Variants in MACROD2 observed in about 807,000 individuals in gnomAD.
The protein encoded by MACROD2 is ADP-ribose glycohydrolase MACROD2.
MACROD2 carries 36 observed loss-of-function variants against 70.4 expected under a neutral mutation model. That is an observed-to-expected ratio of 0.51 (90% CI 0.39 to 0.68). The LOEUF (loss-of-function observed/expected upper bound fraction) is 0.68, where lower values mean the gene tolerates loss of function less well. Among genes scored for constraint, MACROD2 ranks in the 30% least tolerant of loss-of-function variants. The pLI is 0.00. For missense variants in MACROD2, 496 were observed against 538.4 expected (o/e 0.92, Z 0.78); for synonymous variants, 172 against 178.8 (o/e 0.96, Z 0.30).
chr20:15,197,760 G>GA (rs2076618279), intron 5 of MACROD2, among the ~76,000 whole-genome samples: 1 of 150,674 alleles, frequency 6.6e-6, no homozygotes, highest in East Asian at 2.0e-4. Context: ...GCAGTGGCAT[G>GA]ATCATGGCTT....
intron 5 of MACROD2, among the ~76,000 whole-genome samples, chr20:15,014,671 G>A (rs2075107894): frequency 6.6e-6 from 1 of 152,054 alleles, no homozygotes; most frequent in African/African-American, 2.4e-5. Flanking sequence ...AGTTAATTGT[G>A]TGTGAGTGTA....
intron 3 of MACROD2, among the ~76,000 whole-genome samples, chr20:14,368,745 C>A (rs181395201): frequency 2.6e-5 from 4 of 152,142 alleles, no homozygotes; most frequent in Admixed American, 1.3e-4. Context: ...GTTCCTTTAG[C>A]CTTTGTTCAG....
chr20:15,996,038 G>T (rs1423260351), intron 15 of MACROD2, among the ~76,000 whole-genome samples: 1 of 152,028 alleles, frequency 6.6e-6, no homozygotes, highest in African/African-American at 2.4e-5. Flanking sequence ...GGGATGGCTG[G>T]ATCATTTGGT....
chr20:14,249,981 T>C (rs1453862964), intron 3 of MACROD2, among the ~76,000 whole-genome samples: 1 of 151,564 alleles, frequency 6.6e-6, no homozygotes, highest in Non-Finnish European at 1.5e-5. Context: ...GGAGCAGGAG[T>C]GTAAGATCTC....
In MACROD2 at chr20:15,499,813, C is replaced by T. The variant is rs200224844; in HGVS notation, c.611C>T (p.Thr204Ile). ...NEPAAVIALNTIKEWLAKNHH... is the reference protein window; with the variant it reads ...NEPAAVIALNIIKEWLAKNHH... The stretch of plus-strand genomic sequence containing the variant: ...CCTGCTGCAGTCATTGCCCTCAACA[C>T]CATTAAGGAATGGCTTGCCAAGAAT... The change falls in exon 8 of 18, where the codon ACC becomes ATC. Residue 204 changes from threonine (T) to isoleucine (I), a missense_variant. Transcript: ENST00000684519. 3.1e-6 allele frequency: 5 copies of T among 1,613,728 alleles called. No individual in the cohort carries two copies. Among genetic ancestry groups the T allele is most frequent in the Non-Finnish European group, 4.2e-6 (5 of 1,179,756 alleles).
At chr20:15,622,817 G>T (rs916813868) in intron 8 of MACROD2, among the ~76,000 whole-genome samples, 1 of 152,066 alleles carries the variant, frequency 6.6e-6, no homozygotes, top group East Asian at 1.9e-4. Context: ...TGTTATAATT[G>T]TTCTATTTTA....
chr20:14,372,176 A>C (rs1210064999), intron 3 of MACROD2, among the ~76,000 whole-genome samples: 1 of 152,172 alleles, frequency 6.6e-6, no homozygotes, highest in Non-Finnish European at 1.5e-5. Flanking sequence ...CTGTACTCGG[A>C]AGTACTACAT....
chr20:15,447,051 C>CGTGTGTGTGTGT lies in MACROD2; in HGVS notation c.571+15641_571+15652dup, dbSNP rs57914856. 4.3e-3 allele frequency among the ~76,000 whole-genome samples: 636 copies of CGTGTGTGTGTGT among 146,648 alleles called. 1 individual carries two copies. The highest frequency in any genetic ancestry group is 0.011 in the Middle Eastern group (3 of 280). On this transcript the variant is annotated intron_variant, in intron 7 of 17. Coordinates refer to ENST00000684519, the MANE Select transcript of MACROD2 (RefSeq NM_001351661.2). ...GGCAGTACTGGGACCTAAGAGTGTG[C>CGTGTGTGTGTGT]GTGTGTGTGTGTGTGTGTGTGTGTG... is the stretch of plus-strand genomic sequence containing the variant.
intron 12 of MACROD2, among the ~76,000 whole-genome samples, chr20:15,944,498 T>C (rs965990675): frequency 3.3e-5 from 5 of 152,142 alleles, no homozygotes; most frequent in Non-Finnish European, 7.4e-5. Flanking sequence ...TCTTCCAACA[T>C]CTTTTGATAG....
intron 4 of MACROD2, among the ~76,000 whole-genome samples, chr20:14,608,308 A>G (rs1401322997): frequency 6.6e-6 from 1 of 152,120 alleles, no homozygotes; most frequent in South Asian, 2.1e-4. Flanking sequence ...GTAATTGTGT[A>G]TTCTGTTTCC....
chr20:14,810,601 A>G (rs1289790321), intron 5 of MACROD2, among the ~76,000 whole-genome samples: 1 of 152,124 alleles, frequency 6.6e-6, no homozygotes, highest in Non-Finnish European at 1.5e-5. Context: ...GCAGTGAGAC[A>G]AGAGAAAGAA....
intron 4 of MACROD2, among the ~76,000 whole-genome samples, chr20:14,551,887 A>T (rs542602441): frequency 6.6e-6 from 1 of 152,234 alleles, no homozygotes; most frequent in South Asian, 2.1e-4. Context: ...TCTTTTGATG[A>T]CTGTATGTGC....
At chr20:14,483,425 A>C (rs1191894429) in intron 3 of MACROD2, among the ~76,000 whole-genome samples, 1 of 151,056 alleles carries the variant, frequency 6.6e-6, no homozygotes, top group African/African-American at 2.4e-5. Context: ...TTTTTTTTTG[A>C]GACGGAGTTT....
intron 4 of MACROD2, among the ~76,000 whole-genome samples, chr20:14,657,685 G>C (rs1409129705): frequency 6.6e-6 from 1 of 152,152 alleles, no homozygotes; most frequent in African/African-American, 2.4e-5. Context: ...AAACAGTGTA[G>C]AACATATGAA....
At chr20:14,802,465 C>T (rs2072588378) in intron 5 of MACROD2, among the ~76,000 whole-genome samples, 1 of 151,860 alleles carries the variant, frequency 6.6e-6, no homozygotes, top group South Asian at 2.1e-4. Flanking sequence ...TTAAAACTGT[C>T]CCTCTTCTTA....
chr20:14,803,813 T>A (rs1325053708), intron 5 of MACROD2, among the ~76,000 whole-genome samples: 1 of 152,090 alleles, frequency 6.6e-6, no homozygotes, highest in African/African-American at 2.4e-5. Context: ...TGCCTATTTT[T>A]AACATATAAC....
At chr20:15,759,170 A>T (rs901098194) in intron 8 of MACROD2, among the ~76,000 whole-genome samples, 11 of 149,702 alleles carry the variant, frequency 7.3e-5, no homozygotes, top group Middle Eastern at 3.5e-3. Flanking sequence ...AAAAAAACAG[A>T]AATGGACCCC....
intron 5 of MACROD2, among the ~76,000 whole-genome samples, chr20:15,127,209 TTC>T (rs1214784488): frequency 6.6e-6 from 1 of 152,026 alleles, no homozygotes; most frequent in Non-Finnish European, 1.5e-5. Flanking sequence ...AGCCCACCCT[TTC>T]ATCAGAGTGC....
intron 5 of MACROD2, among the ~76,000 whole-genome samples, chr20:14,852,375 A>C (rs1430568411): frequency 6.6e-6 from 1 of 152,136 alleles, no homozygotes; most frequent in Non-Finnish European, 1.5e-5. Context: ...GTTTTATTAG[A>C]GTGATGATAA....
Sources: gnomAD v4.1 joint callset for allele counts (sites outside exome capture counted in the v4.1 genomes callset) on GRCh38, gnomAD v4.1.1 for gene constraint, MANE v1.5 for transcripts, NCBI Gene and HGNC (gene_info 2026-07-23, HGNC 2026-07-21) for gene names.